The following SAXO1 variants were observed in gnomAD, a reference collection of about 807,000 sequenced individuals.
SAXO1 encodes the protein stabilizer of axonemal microtubules 1.
SAXO1 carries 21 observed loss-of-function variants against 17.5 expected under a neutral mutation model. That is an observed-to-expected ratio of 1.20 (90% CI 0.85 to 1.72). The LOEUF is 1.72. Among genes scored for constraint, SAXO1 ranks in the 40% most tolerant of loss-of-function variants. SAXO1 has a pLI of 0.00. For synonymous variants in SAXO1, 274 were observed against 216.5 expected (o/e 1.27, Z -2.33); for missense variants, 843 against 596.0 (o/e 1.41, Z -4.32).
intron 1 of SAXO1, among the ~76,000 whole-genome samples, chr9:18,961,001 C>T (rs1038801030): frequency 3.0e-4 from 46 of 152,100 alleles, no homozygotes; most frequent in African/African-American, 9.4e-4. Flanking sequence ...GTTAAATAGG[C>T]ACATGATTTT....
intron 1 of SAXO1, among the ~76,000 whole-genome samples, chr9:19,020,865 C>T (rs1456006607): frequency 6.6e-6 from 1 of 152,156 alleles, no homozygotes; most frequent in Non-Finnish European, 1.5e-5. Context: ...TTGTTTTAAG[C>T]AGGTAAAAAG....
At chr9:18,980,925 G>A (rs911897140) in intron 1 of SAXO1, among the ~76,000 whole-genome samples, 3 of 151,774 alleles carry the variant, frequency 2.0e-5, no homozygotes, top group African/African-American at 4.8e-5. Context: ...TTACATTGTC[G>A]GGAGATTTTC....
At chr9:19,045,616 CA>C (rs1446721639) in intron 1 of SAXO1, among the ~76,000 whole-genome samples, 7 of 152,294 alleles carry the variant, frequency 4.6e-5, no homozygotes, top group African/African-American at 1.7e-4. Flanking sequence ...ATACACACCC[CA>C]TCCCAGTAGA....
chr9:18,973,612 G>A (rs1237829691), intron 1 of SAXO1, among the ~76,000 whole-genome samples: 1 of 152,184 alleles, frequency 6.6e-6, no homozygotes, highest in African/African-American at 2.4e-5. Flanking sequence ...AGACAAGCTG[G>A]GTGTCTCATC....
chr9:18,928,869 T>A lies in SAXO1; in HGVS notation c.608A>T (p.Asp203Val). ...ATAGCTCATCTTGTAGTTAGTCACA[T>A]CCTCCAAGGGGATGTTACAGAGCTT... The part of the protein sequence containing the change: ...MPKLCNIPLE[D>V]VTNYKMSYVA... The change falls in exon 4 of 4, where the codon GAT becomes GTT. Residue 203 changes from aspartate to valine, a missense_variant. By Grantham distance (152) the Asp-to-Val change is radical. Transcript: ENST00000380534. The A allele has an allele frequency of 6.2e-7, 1 of 1,614,158 alleles. No individual in the cohort carries two copies.
intron 1 of SAXO1, among the ~76,000 whole-genome samples, chr9:19,046,171 CT>C: frequency 6.8e-6 from 1 of 147,146 alleles, no homozygotes; most frequent in Non-Finnish European, 1.5e-5. Context: ...GGGATAAAAA[CT>C]TTTTCTTAAT....
intron 1 of SAXO1, among the ~76,000 whole-genome samples, chr9:18,986,644 T>C (rs1225234432): frequency 1.3e-5 from 2 of 152,090 alleles, no homozygotes; most frequent in African/African-American, 2.4e-5. Flanking sequence ...CTCATCATCG[T>C]GTCTACAAAG....
At chr9:18,934,197 A>T (rs1831188619) in intron 3 of SAXO1, among the ~76,000 whole-genome samples, 1 of 151,960 alleles carries the variant, frequency 6.6e-6, no homozygotes, top group Non-Finnish European at 1.5e-5. Flanking sequence ...TTCTATTTGG[A>T]TTGTGCCTCT....
At chr9:19,033,665 G>T (rs185878221), upstream of SAXO1, among the ~76,000 whole-genome samples, 127 of 152,336 alleles carry the variant, frequency 8.3e-4, no homozygotes, top group African/African-American at 2.9e-3. Flanking sequence ...GTTTAAGAGC[G>T]CCCAGGCCTT....
intron 2 of SAXO1, among the ~76,000 whole-genome samples, chr9:18,944,699 T>C (rs1004341384): frequency 6.6e-6 from 1 of 152,164 alleles, no homozygotes; most frequent in Non-Finnish European, 1.5e-5. Context: ...TCATAACAAC[T>C]TGACTTCAAA....
At chr9:18,965,803 A>G (rs1832693067) in intron 1 of SAXO1, among the ~76,000 whole-genome samples, 1 of 152,124 alleles carries the variant, frequency 6.6e-6, no homozygotes, top group Non-Finnish European at 1.5e-5. Context: ...CTAGCTGGTT[A>G]TTTTGCACAT....
At chr9:18,974,788 T>C (rs963207793) in intron 1 of SAXO1, among the ~76,000 whole-genome samples, 3 of 152,158 alleles carry the variant, frequency 2.0e-5, no homozygotes, top group Non-Finnish European at 2.9e-5. Flanking sequence ...ATGATGAAAA[T>C]AAGCCATCAC....
At chr9:19,026,475 G>C (rs1461530708) in intron 1 of SAXO1, among the ~76,000 whole-genome samples, 4 of 152,132 alleles carry the variant, frequency 2.6e-5, no homozygotes, top group Non-Finnish European at 1.5e-5. Context: ...TTAAAAGTCT[G>C]ATTAACGTTT....
chr9:19,003,814 C>T (rs1834380773), intron 1 of SAXO1, among the ~76,000 whole-genome samples: 2 of 152,272 alleles, frequency 1.3e-5, no homozygotes, highest in African/African-American at 2.4e-5. Context: ...TAGGCAATAT[C>T]ATTCAGGACA....
At chr9:19,000,923 C>A (rs62560403) in intron 1 of SAXO1, among the ~76,000 whole-genome samples, 1 of 152,146 alleles carries the variant, frequency 6.6e-6, no homozygotes, top group African/African-American at 2.4e-5. Flanking sequence ...TACAGGAGCA[C>A]CCAGATTCAT....
At chr9:18,936,114 G>A (rs762370480) in intron 3 of SAXO1, among the ~76,000 whole-genome samples, 1 of 152,172 alleles carries the variant, frequency 6.6e-6, no homozygotes. Flanking sequence ...TTTTTGGGAA[G>A]AGGATTTGCC....
At chr9:19,008,391 G>A (rs892095303) in intron 1 of SAXO1, among the ~76,000 whole-genome samples, 7 of 152,136 alleles carry the variant, frequency 4.6e-5, no homozygotes, top group Admixed American at 4.6e-4. Flanking sequence ...TAACCACTCA[G>A]TTGTTATTTT....
chr9:19,020,617 C>G (rs1192776895), intron 1 of SAXO1, among the ~76,000 whole-genome samples: 2 of 152,154 alleles, frequency 1.3e-5, no homozygotes, highest in Non-Finnish European at 1.5e-5. Context: ...CCTCAGCCTC[C>G]AAAAATGCTA....
intron 1 of SAXO1, among the ~76,000 whole-genome samples, chr9:18,964,170 TG>T (rs1319095177): frequency 6.6e-6 from 1 of 152,240 alleles, no homozygotes; most frequent in African/African-American, 2.4e-5. Context: ...CGATTCGGTT[TG>T]CCAGTATTTT....
Sources: gnomAD v4.1 joint callset for allele counts (sites outside exome capture counted in the v4.1 genomes callset) on GRCh38, gnomAD v4.1.1 for gene constraint, MANE v1.5 for transcripts, NCBI Gene and HGNC (gene_info 2026-07-23, HGNC 2026-07-21) for gene names.